Variants in SNTG2 observed in about 807,000 individuals in gnomAD.
SNTG2 encodes gamma-2-syntrophin.
In SNTG2, 74 loss-of-function variants were observed where a neutral mutation model predicts 70.9. The ratio of observed to expected loss-of-function variants is 1.04; its 90% confidence interval spans 0.86 to 1.27. The LOEUF (loss-of-function observed/expected upper bound fraction) is 1.27, where lower values mean the gene tolerates loss of function less well. SNTG2 is among the 50% of genes most tolerant of loss of function. The pLI is 0.00. For missense variants in SNTG2, 717 were observed against 690.7 expected (o/e 1.04, Z -0.43); for synonymous variants, 278 against 273.8 (o/e 1.02, Z -0.15).
chr2:1,053,313 T>C (rs1283052436), intron 1 of SNTG2, among the ~76,000 whole-genome samples: 1 of 102,284 alleles, frequency 9.8e-6, no homozygotes, highest in African/African-American at 7.3e-5. Flanking sequence ...CATTAAAAGT[T>C]TTTTTTATTG....
chr2:1,188,777 A>T (rs1672400553), intron 8 of SNTG2, among the ~76,000 whole-genome samples: 1 of 152,164 alleles, frequency 6.6e-6, no homozygotes, highest in Non-Finnish European at 1.5e-5. Flanking sequence ...ACAAAATCTT[A>T]ATAGTAACGG....
chr2:962,993 C>T (rs915828736), intron 1 of SNTG2, among the ~76,000 whole-genome samples: 4 of 152,052 alleles, frequency 2.6e-5, no homozygotes, highest in South Asian at 2.1e-4. Context: ...TGATTTTTGG[C>T]GTGGTAACAT....
intron 1 of SNTG2, among the ~76,000 whole-genome samples, chr2:1,070,248 G>A (rs1426585864): frequency 6.6e-6 from 1 of 151,838 alleles, no homozygotes; most frequent in Non-Finnish European, 1.5e-5. Context: ...ATTTCATCTC[G>A]ACAACAGTTT....
chr2:1,323,052 A>T (rs1681601291), intron 16 of SNTG2, among the ~76,000 whole-genome samples: 1 of 152,200 alleles, frequency 6.6e-6, no homozygotes, highest in African/African-American at 2.4e-5. Flanking sequence ...ACATTTTAAC[A>T]GATTCAGAAA....
chr2:1,238,996 C>T (rs535469942), intron 10 of SNTG2, among the ~76,000 whole-genome samples: 1 of 152,358 alleles, frequency 6.6e-6, no homozygotes, highest in Non-Finnish European at 1.5e-5. Context: ...GTGAAGACCT[C>T]AGGGGCTTCC....
intron 8 of SNTG2, among the ~76,000 whole-genome samples, chr2:1,204,284 G>A (rs1022709666): frequency 2.4e-4 from 36 of 152,152 alleles, no homozygotes; most frequent in African/African-American, 8.7e-4. Context: ...AAATCTGCAC[G>A]TTATTGTATG....
At chr2:1,099,335 C>T (rs986096105) in intron 4 of SNTG2, among the ~76,000 whole-genome samples, 5 of 152,152 alleles carry the variant, frequency 3.3e-5, no homozygotes, top group African/African-American at 9.7e-5. Context: ...TGCCTCACAC[C>T]GGAAAGCACA....
intron 1 of SNTG2, among the ~76,000 whole-genome samples, chr2:1,019,131 C>T (rs1385911389): frequency 6.6e-6 from 1 of 152,144 alleles, no homozygotes; most frequent in African/African-American, 2.4e-5. Flanking sequence ...AGCTGGGCTG[C>T]AGAGCACTGA....
chr2:1,120,944 C>G (rs1449378289), intron 4 of SNTG2, among the ~76,000 whole-genome samples: 1 of 151,748 alleles, frequency 6.6e-6, no homozygotes, highest in African/African-American at 2.4e-5. Flanking sequence ...GCAATAGCAG[C>G]AAAATACACA....
chr2:1,244,647 G>T (rs1390465966), intron 11 of SNTG2, among the ~76,000 whole-genome samples: 1 of 127,962 alleles, frequency 7.8e-6, no homozygotes, highest in East Asian at 2.4e-4. Flanking sequence ...AGTGAGCCAA[G>T]ATTGCACCAC....
chr2:1,020,055 C>G (rs958339665), intron 1 of SNTG2, among the ~76,000 whole-genome samples: 2 of 152,092 alleles, frequency 1.3e-5, no homozygotes, highest in African/African-American at 4.8e-5. Context: ...AGAAAAACAA[C>G]AAGAACAACA....
intron 1 of SNTG2, among the ~76,000 whole-genome samples, chr2:1,005,517 G>A (rs1231637350): frequency 6.6e-6 from 1 of 151,806 alleles, no homozygotes; most frequent in African/African-American, 2.4e-5. Context: ...AAATATTAAC[G>A]TTGGAGCTGG....
At chr2:1,110,144 T>C (rs1330763310) in intron 4 of SNTG2, among the ~76,000 whole-genome samples, 1 of 152,160 alleles carries the variant, frequency 6.6e-6, no homozygotes, top group Non-Finnish European at 1.5e-5. Flanking sequence ...CAAAGCTCCC[T>C]GTTCAGGTCT....
At chr2:1,078,788 C>T (rs567056041) in intron 1 of SNTG2, among the ~76,000 whole-genome samples, 62 of 151,600 alleles carry the variant, frequency 4.1e-4, no homozygotes, top group Admixed American at 3.2e-3. Context: ...AACTGAACCC[C>T]GTGACCCCAG....
intron 15 of SNTG2, among the ~76,000 whole-genome samples, chr2:1,314,605 A>G (rs1271666861): frequency 6.6e-6 from 1 of 152,202 alleles, no homozygotes; most frequent in Non-Finnish European, 1.5e-5. Flanking sequence ...CAGTACTCAC[A>G]TCACGCTCTC....
At chr2:1,088,925 T>G (rs59201386) in intron 2 of SNTG2, among the ~76,000 whole-genome samples, 8 of 152,234 alleles carry the variant, frequency 5.3e-5, no homozygotes, top group Admixed American at 4.6e-4. Flanking sequence ...GAGGATGGCA[T>G]GGCGAGGCAG....
At chr2:1,182,545 A>G (rs1253462570) in intron 8 of SNTG2, among the ~76,000 whole-genome samples, 2 of 152,162 alleles carry the variant, frequency 1.3e-5, no homozygotes, top group Non-Finnish European at 2.9e-5. Context: ...AAATAAATAA[A>G]TAAAGTATTG....
chr2:1,020,195 G>A (rs141671774), intron 1 of SNTG2, among the ~76,000 whole-genome samples: 31 of 152,332 alleles, frequency 2.0e-4, no homozygotes, highest in African/African-American at 6.5e-4. Flanking sequence ...ATACACATAC[G>A]TGCATGCTCT....
At chr2:1,101,617 G>GA (rs34245090) in intron 4 of SNTG2, among the ~76,000 whole-genome samples, 2,083 of 152,100 alleles carry the variant, frequency 0.014, 66 homozygotes, top group African/African-American at 0.047. Context: ...AGTGCAGGAG[G>GA]GCTGTGGGAC....
Sources: gnomAD v4.1 joint callset for allele counts (sites outside exome capture counted in the v4.1 genomes callset) on GRCh38, gnomAD v4.1.1 for gene constraint, MANE v1.5 for transcripts, NCBI Gene and HGNC (gene_info 2026-07-23, HGNC 2026-07-21) for gene names.